The following CPSF6 variants were observed in gnomAD, a reference collection of about 807,000 sequenced individuals.
The protein encoded by CPSF6 is cleavage and polyadenylation specific factor 6, also known as cleavage and polyadenylation specificity factor subunit 6.
CPSF6 carries 10 observed loss-of-function variants against 56.7 expected under a neutral mutation model. The observed-to-expected ratio is 0.18, with a 90% CI of 0.11 to 0.30. The LOEUF (loss-of-function observed/expected upper bound fraction) is 0.30. Ranked by LOEUF, CPSF6 falls within the 10% of genes least tolerant of loss-of-function variation. The pLI is 1.00. For synonymous variants in CPSF6, 248 were observed against 244.8 expected, an observed-to-expected ratio of 1.01 and a Z score of -0.12; for missense variants, 419 against 722.9, an observed-to-expected ratio of 0.58 and a Z score of 4.82.
At chr12:69,255,175 A>G (rs1222908523) in intron 3 of CPSF6, 1 of 152,236 alleles carries the variant, frequency 6.6e-6, no homozygotes, top group Non-Finnish European at 1.5e-5. Flanking sequence ...TTTCCTTAGC[A>G]TAATGATTTT....
At chr12:69,255,869 A>G (rs1484198522) in intron 3 of CPSF6, among the ~76,000 whole-genome samples, 1 of 152,168 alleles carries the variant, frequency 6.6e-6, no homozygotes, top group Non-Finnish European at 1.5e-5. Context: ...CTTTTTGATT[A>G]TAGCCACCCT....
rs567844929 is a variant in CPSF6 at position 69,270,126 on chromosome 12, C to T, written c.*618C>T. 2 of 152,092 alleles carry T rather than the reference C, an allele frequency of 1.3e-5. No individual in the cohort carries two copies. Among genetic ancestry groups the T allele is most frequent in the Non-Finnish European group, 3.0e-5 (2 of 67,652 alleles). The allele number at this position is 152,092 out of a possible 1,614,324, so 9.4% of individuals were successfully genotyped here. ...TGAATTAAACATAGTAATTAAGTGT[C>T]TTTTGCCCTTGATTTTGATATTAGA... On this transcript the variant is annotated 3_prime_UTR_variant, in exon 10 of 10. Coordinates refer to ENST00000435070, the MANE Select transcript of CPSF6 (RefSeq NM_007007.3).
At position 69,269,963 on chromosome 12, in the gene CPSF6, T is replaced by A. The variant is rs1296156889; in HGVS notation, c.*455T>A. ...GGCTGATGTGTAAAGCTGTTCAAGT[T>A]ATTTGATGTTTACACCTCAGGGAAA... is the stretch of plus-strand genomic sequence containing the variant. On this transcript the variant is annotated 3_prime_UTR_variant, in exon 10 of 10. Transcript: ENST00000435070. 6.5e-6 allele frequency: 1 copy of A among 152,880 alleles called. No individual in the cohort carries two copies. The highest frequency in any genetic ancestry group is 1.5e-5 in the Non-Finnish European group (1 of 68,178). 9.5% of individuals were successfully genotyped at this position (152,880 alleles called of 1,614,324 possible).
At chr12:69,266,545 T>G (rs1029922829) in intron 9 of CPSF6, among the ~76,000 whole-genome samples, 5 of 152,186 alleles carry the variant, frequency 3.3e-5, no homozygotes, top group African/African-American at 1.2e-4. Flanking sequence ...CTACCATTGT[T>G]TTAGTTTGTA....
intron 1 of CPSF6, among the ~76,000 whole-genome samples, chr12:69,244,118 C>T (rs1018135680): frequency 1.3e-5 from 2 of 152,140 alleles, no homozygotes; most frequent in African/African-American, 4.8e-5. Flanking sequence ...CTGTGACTGG[C>T]CCGTTTTTAC....
intron 3 of CPSF6, among the ~76,000 whole-genome samples, chr12:69,255,535 A>ATT (rs1565646721): frequency 1.2e-4 from 19 of 152,064 alleles, no homozygotes; most frequent in African/African-American, 4.6e-4. Flanking sequence ...GTTTCTCCAC[A>ATT]TATTTATTTA....
chr12:69,257,707 T>C lies in CPSF6; in HGVS notation c.521-25T>C, dbSNP rs765688647. The C allele has an allele frequency of 6.9e-6, 11 of 1,593,046 alleles. 1 individual carries two copies. The South Asian group carries it at 1.3e-4, about 18-fold the overall frequency. On this transcript the variant is annotated intron_variant, in intron 4 of 9. Coordinates refer to ENST00000435070, the MANE Select transcript of CPSF6 (RefSeq NM_007007.3). ...AGAAAACTATTTTTAATAAGTGCTATTTATGAGTATTTGGATATTTGCAGC... is the reference window on the plus strand; with the variant it reads ...AGAAAACTATTTTTAATAAGTGCTACTTATGAGTATTTGGATATTTGCAGC...
chr12:69,241,366 A>G (rs896110342), intron 1 of CPSF6, among the ~76,000 whole-genome samples: 1 of 152,086 alleles, frequency 6.6e-6, no homozygotes, highest in Non-Finnish European at 1.5e-5. Flanking sequence ...TTTTCCTTTT[A>G]TTTATCAAAT....
chr12:69,259,582 T>C, intron 7 of CPSF6, 39 bp downstream of exon 7: 1 of 1,538,750 alleles, frequency 6.5e-7, no homozygotes, highest in South Asian at 1.2e-5. Context: ...TTATTTATGT[T>C]ATTAGGAATG....
chr12:69,256,412 GA>G (rs1872511576), intron 3 of CPSF6, among the ~76,000 whole-genome samples: 1 of 152,182 alleles, frequency 6.6e-6, no homozygotes, highest in Non-Finnish European at 1.5e-5. Flanking sequence ...GTATAGTTAA[GA>G]AATATTTTTA....
chr12:69,249,862 A>G (rs1804599676), intron 1 of CPSF6, among the ~76,000 whole-genome samples: 1 of 151,946 alleles, frequency 6.6e-6, no homozygotes, highest in African/African-American at 2.4e-5. Flanking sequence ...TTCCCTGATT[A>G]TCATTTAGGC....
chr12:69,246,217 C>T (rs939229201), intron 1 of CPSF6, among the ~76,000 whole-genome samples: 1 of 152,290 alleles, frequency 6.6e-6, no homozygotes, highest in South Asian at 2.1e-4. Context: ...AATCATTTTG[C>T]TTTACGTTCA....
chr12:69,256,875 T>C (rs769565690), intron 4 of CPSF6, 33 bp downstream of exon 4: 119 of 1,563,472 alleles, frequency 7.6e-5, no homozygotes, highest in East Asian at 1.8e-4. Flanking sequence ...TATTAAAATA[T>C]GTACATTTTA....
intron 1 of CPSF6, among the ~76,000 whole-genome samples, chr12:69,241,336 ATAAGACCTC>A (rs1871606713): frequency 6.6e-6 from 1 of 152,258 alleles, no homozygotes; most frequent in African/African-American, 2.4e-5. Context: ...TCTAACGCTT[ATAAGACCTC>A]TAGGAAATTT....
chr12:69,241,315 G>A (rs1871604361), intron 1 of CPSF6, among the ~76,000 whole-genome samples: 2 of 152,176 alleles, frequency 1.3e-5, no homozygotes. Context: ...TTCCTCGAGT[G>A]CAACACAGGT....
At position 69,251,293 on chromosome 12, in the gene CPSF6, A is replaced by G. The variant is rs534673554; in HGVS notation, c.225A>G (p.Thr75=). The change falls in exon 2 of 10, where the codon ACA becomes ACG. Residue 75 remains threonine, a synonymous_variant. Coordinates refer to ENST00000435070, the MANE Select transcript of CPSF6 (RefSeq NM_007007.3). ...GKGAAPNVVY[T]YTGKRIALYI... ...GAGCAGCACCAAATGTTGTCTATAC[A>G]TATACTGGAAAGAGAATTGCATTAT... 3.1e-6 allele frequency: 5 copies of G among 1,595,456 alleles called. No homozygotes were observed. Among genetic ancestry groups the G allele is most frequent in the Non-Finnish European group, 4.3e-6 (5 of 1,164,426 alleles).
intron 1 of CPSF6, among the ~76,000 whole-genome samples, chr12:69,245,289 T>C (rs1478023240): frequency 1.3e-5 from 2 of 152,306 alleles, no homozygotes; most frequent in African/African-American, 4.8e-5. Flanking sequence ...TGCATTGGGC[T>C]AAGATCGCTA....
At chr12:69,248,506 G>A (rs879453133) in intron 1 of CPSF6, among the ~76,000 whole-genome samples, 2 of 152,156 alleles carry the variant, frequency 1.3e-5, no homozygotes, top group Non-Finnish European at 2.9e-5. Flanking sequence ...TGGAACTACT[G>A]CTGCAGCCAC....
chr12:69,252,461 T>C (rs999292295), intron 2 of CPSF6, among the ~76,000 whole-genome samples: 2 of 152,188 alleles, frequency 1.3e-5, no homozygotes, highest in African/African-American at 2.4e-5. Flanking sequence ...AGTGTAGTTA[T>C]GAAAGTATGG....
Sources: allele counts gnomAD v4.1 joint callset (sites outside exome capture counted in the v4.1 genomes callset), GRCh38; gene constraint gnomAD v4.1.1; transcripts MANE v1.5; gene names NCBI Gene and HGNC (gene_info 2026-07-23, HGNC 2026-07-21).